NRXN3: variants seen among roughly 807,000 people sequenced by gnomAD.
The protein encoded by NRXN3 is neurexin III.
A neutral mutation model predicts 137.6 loss-of-function variants in NRXN3; 32 were observed. The observed-to-expected ratio is 0.23, with a 90% CI of 0.18 to 0.31. The LOEUF (loss-of-function observed/expected upper bound fraction) is 0.31. NRXN3 is among the 10% of genes least tolerant of loss of function. The probability of loss-of-function intolerance (pLI) is 1.00; values close to 1 mark genes in which losing one functional copy is unlikely to be tolerated. For missense variants in NRXN3, 1,574 were observed against 2,062.5 expected (o/e 0.76, Z 4.59); for synonymous variants, 798 against 784.5 (o/e 1.02, Z -0.29).
intron 15 of NRXN3, among the ~76,000 whole-genome samples, chr14:79,235,573 T>A (rs1307192049): frequency 6.6e-6 from 1 of 152,182 alleles, no homozygotes; most frequent in African/African-American, 2.4e-5. Flanking sequence ...TGCACTTGCC[T>A]TCCTGTCACC....
intron 15 of NRXN3, among the ~76,000 whole-genome samples, chr14:79,418,385 A>C (rs2095528328): frequency 6.6e-6 from 1 of 152,216 alleles, no homozygotes; most frequent in African/African-American, 2.4e-5. Context: ...GGCAGCTTTA[A>C]ATAGCTGTCA....
intron 15 of NRXN3, among the ~76,000 whole-genome samples, chr14:79,074,079 C>T (rs1419313116): frequency 1.3e-5 from 2 of 152,144 alleles, no homozygotes; most frequent in East Asian, 3.9e-4. Context: ...CCTTCCACAT[C>T]GTAGGTACAC....
chr14:79,122,347 G>T lies in NRXN3; in HGVS notation c.3262+134206G>T, dbSNP rs114118715. On this transcript the variant is annotated intron_variant, in intron 15 of 20. Transcript: ENST00000335750. ...GCTTGGCTGAAAGAAACTGGCCAGAGGCATGTTCTGACTTTGGCTGACTTG... is the reference window on the plus strand; with the variant it reads ...GCTTGGCTGAAAGAAACTGGCCAGATGCATGTTCTGACTTTGGCTGACTTG... Among the ~76,000 whole-genome samples the T allele has an allele frequency of 3.9e-3, 589 of 152,242 alleles. 5 individuals carry two copies. The highest frequency in any genetic ancestry group is 0.013 in the African/African-American group (556 of 41,550).
chr14:78,789,825 G>C (rs190819905), intron 8 of NRXN3, among the ~76,000 whole-genome samples: 7 of 152,026 alleles, frequency 4.6e-5, no homozygotes, highest in Non-Finnish European at 8.8e-5. Flanking sequence ...TGGTTTACAG[G>C]TCTCCTTCTT....
At chr14:78,487,398 A>T (rs1182449181) in intron 4 of NRXN3, among the ~76,000 whole-genome samples, 2 of 152,154 alleles carry the variant, frequency 1.3e-5, no homozygotes, top group East Asian at 3.9e-4. Flanking sequence ...TCAAGAAAAA[A>T]TGCCAAGGAA....
At chr14:79,513,753 T>G (rs773475290) in intron 16 of NRXN3, among the ~76,000 whole-genome samples, 4 of 152,210 alleles carry the variant, frequency 2.6e-5, no homozygotes, top group Non-Finnish European at 4.4e-5. Flanking sequence ...AGACAGAGGT[T>G]ACTATGGCAC....
intron 8 of NRXN3, among the ~76,000 whole-genome samples, chr14:78,801,036 A>T (rs1003215094): frequency 6.6e-6 from 1 of 152,200 alleles, no homozygotes; most frequent in East Asian, 1.9e-4. Flanking sequence ...AAAGAAATAC[A>T]TGAGGCCGGG....
intron 17 of NRXN3, among the ~76,000 whole-genome samples, chr14:79,670,092 A>G (rs1472822109): frequency 6.6e-6 from 1 of 151,994 alleles, no homozygotes; most frequent in Non-Finnish European, 1.5e-5. Flanking sequence ...TAGGCACTGA[A>G]GGCTTTAAAT....
At chr14:79,132,072 A>G (rs1300007334) in intron 15 of NRXN3, among the ~76,000 whole-genome samples, 1 of 152,228 alleles carries the variant, frequency 6.6e-6, no homozygotes, top group South Asian at 2.1e-4. Flanking sequence ...ACCTGCGCGC[A>G]CTGTCTGGCA....
At chr14:79,442,232 T>G (rs971383041) in intron 15 of NRXN3, among the ~76,000 whole-genome samples, 1 of 152,228 alleles carries the variant, frequency 6.6e-6, no homozygotes, top group African/African-American at 2.4e-5. Flanking sequence ...CTTAGATTAT[T>G]CTGTCTGGTG....
chr14:79,560,816 C>T (rs2097488692), intron 16 of NRXN3, among the ~76,000 whole-genome samples: 1 of 152,050 alleles, frequency 6.6e-6, no homozygotes, highest in Admixed American at 6.6e-5. Context: ...GCTGGGATTA[C>T]AGGCATAAGC....
At chr14:78,786,913 AT>A (rs149774050) in intron 8 of NRXN3, among the ~76,000 whole-genome samples, 1,917 of 152,302 alleles carry the variant, frequency 0.013, 44 homozygotes, top group African/African-American at 0.044. Flanking sequence ...TTCCTCAGGT[AT>A]GAAATAAAAG....
chr14:79,861,074 C>A lies in NRXN3; in HGVS notation c.4094-268C>A. The A allele has an allele frequency of 7.0e-7, 1 of 1,427,502 alleles. No homozygotes were observed. Among genetic ancestry groups the A allele is most frequent in the African/African-American group, 1.4e-5 (1 of 69,612 alleles). 88.4% of individuals were successfully genotyped at this position (1,427,502 alleles called of 1,614,324 possible). A position where few individuals can be genotyped will look rare whatever the true frequency, so the allele number is the denominator to read the frequency against. ...AGTTATCCCTCTTCTTGTAGAAGAC[C>A]CTTTAGCTACCCCTCCTATTGCTAC... is the stretch of plus-strand genomic sequence containing the variant. On this transcript the variant is annotated intron_variant, in intron 20 of 20. Transcript: ENST00000335750. The surrounding 1 kb of genome is among the most constrained non-coding windows in gnomAD (Gnocchi z 5.4).
intron 16 of NRXN3, chr14:79,633,140 C>T (rs1216389511): frequency 1.3e-5 from 2 of 152,152 alleles, no homozygotes; most frequent in African/African-American, 4.8e-5. Flanking sequence ...ATGTACCTGC[C>T]TTCCCGTGGT....
chr14:79,735,204 A>G (rs2098937720), intron 19 of NRXN3, among the ~76,000 whole-genome samples: 1 of 152,180 alleles, frequency 6.6e-6, no homozygotes, highest in Non-Finnish European at 1.5e-5. Flanking sequence ...CAAGTCCAGG[A>G]CCTTGGGCTT....
intron 15 of NRXN3, among the ~76,000 whole-genome samples, chr14:79,217,701 A>AG (rs1422510088): frequency 6.6e-6 from 1 of 151,922 alleles, no homozygotes; most frequent in East Asian, 1.9e-4. Context: ...AAAACAAAAC[A>AG]AAAAAAACTC....
intron 15 of NRXN3, among the ~76,000 whole-genome samples, chr14:79,337,681 T>C (rs549950295): frequency 6.6e-6 from 1 of 152,212 alleles, no homozygotes; most frequent in Non-Finnish European, 1.5e-5. Flanking sequence ...TGGTGCAATA[T>C]TGACATTTCT....
intron 12 of NRXN3, among the ~76,000 whole-genome samples, chr14:78,966,626 A>G (rs1214641420): frequency 6.6e-6 from 1 of 152,190 alleles, no homozygotes; most frequent in Non-Finnish European, 1.5e-5. Flanking sequence ...CTCAACACTA[A>G]CAGACTTTTT....
chr14:78,367,889 G>A lies in NRXN3; in HGVS notation c.757+70029G>A, dbSNP rs188703667. Among the ~76,000 whole-genome samples, 218 of 152,260 alleles carry A rather than the reference G, an allele frequency of 1.4e-3. 1 individual carries two copies. The highest frequency in any genetic ancestry group is 2.6e-3 in the Non-Finnish European group (178 of 68,028). On this transcript the variant is annotated intron_variant, in intron 4 of 20. Transcript: ENST00000335750. ...TGTGGGAGAAAGATGGGTACTTATTGTAATACTTTAAAGACAAATATTTCC... is the reference window on the plus strand; with the variant it reads ...TGTGGGAGAAAGATGGGTACTTATTATAATACTTTAAAGACAAATATTTCC...
Sources: allele counts gnomAD v4.1 joint callset (sites outside exome capture counted in the v4.1 genomes callset), GRCh38; gene constraint gnomAD v4.1.1; non-coding constraint Gnocchi (gnomAD v3.1); transcripts MANE v1.5; gene names NCBI Gene and HGNC (gene_info 2026-07-23, HGNC 2026-07-21).